Variants in SPTLC2 observed in about 807,000 individuals in gnomAD.
The protein encoded by SPTLC2 is serine palmitoyltransferase long chain base subunit 2, also known as serine palmitoyltransferase 2.
In SPTLC2, 21 loss-of-function variants were observed where a neutral mutation model predicts 62.0. The observed-to-expected ratio is 0.34, with a 90% CI of 0.24 to 0.49. The LOEUF (loss-of-function observed/expected upper bound fraction) is 0.49, where lower values mean the gene tolerates loss of function less well. Ranked by LOEUF, SPTLC2 falls within the 20% of genes least tolerant of loss-of-function variation. The pLI, the probability that SPTLC2 is intolerant of heterozygous loss-of-function variation, is 0.99. For synonymous variants in SPTLC2, 261 were observed against 261.8 expected (o/e 1.00, Z 0.03); for missense variants, 511 against 713.0 (o/e 0.72, Z 3.23).
At chr14:77,542,054 CTG>C (rs2079503434) in intron 9 of SPTLC2, among the ~76,000 whole-genome samples, 1 of 138,654 alleles carries the variant, frequency 7.2e-6, no homozygotes. Context: ...GAGACAGACT[CTG>C]TGTCCGGAAA....
intron 9 of SPTLC2, among the ~76,000 whole-genome samples, chr14:77,534,674 A>G (rs1403853069): frequency 6.6e-6 from 1 of 151,838 alleles, no homozygotes; most frequent in African/African-American, 2.4e-5. Context: ...TGATTTCACC[A>G]AAGGCAAAAA....
intron 1 of SPTLC2, among the ~76,000 whole-genome samples, chr14:77,599,189 T>C (rs2079864363): frequency 6.6e-6 from 1 of 152,232 alleles, no homozygotes. Context: ...TCTTGCTTTA[T>C]AGAAGATATC....
intron 9 of SPTLC2, 140 bp downstream of exon 9, chr14:77,551,956 A>C: frequency 7.8e-7 from 1 of 1,287,266 alleles, no homozygotes; most frequent in South Asian, 1.3e-5. Flanking sequence ...ACACTAAAAA[A>C]GTGTCCATGG....
intron 5 of SPTLC2, among the ~76,000 whole-genome samples, chr14:77,564,322 G>A (rs982020878): frequency 6.7e-6 from 1 of 149,200 alleles, no homozygotes; most frequent in Non-Finnish European, 1.5e-5. Flanking sequence ...AGAAGGAGAA[G>A]AAGGAGAATA....
chr14:77,518,759 G>A (rs191982522), intron 10 of SPTLC2, among the ~76,000 whole-genome samples: 83 of 152,254 alleles, frequency 5.5e-4, no homozygotes, highest in Admixed American at 3.1e-3. Context: ...GCTGTAACAC[G>A]GCACATCTTT....
At chr14:77,543,187 C>A (rs1389362543) in intron 9 of SPTLC2, among the ~76,000 whole-genome samples, 1 of 152,194 alleles carries the variant, frequency 6.6e-6, no homozygotes, top group Non-Finnish European at 1.5e-5. Context: ...GTAGCTGGGA[C>A]TACAGGCGTG....
At chr14:77,513,929 G>A (rs921849620) in intron 11 of SPTLC2, among the ~76,000 whole-genome samples, 1 of 144,354 alleles carries the variant, frequency 6.9e-6, no homozygotes, top group Non-Finnish European at 1.5e-5. Flanking sequence ...GGCTGAACAC[G>A]GTGGCTCAAG....
intron 4 of SPTLC2, among the ~76,000 whole-genome samples, chr14:77,575,831 C>T (rs1349375057): frequency 1.3e-5 from 2 of 151,256 alleles, no homozygotes; most frequent in South Asian, 2.1e-4. Flanking sequence ...CCGTGCCTGG[C>T]TTCAGTCAGG....
chr14:77,582,751 G>C (rs11623114), intron 2 of SPTLC2, among the ~76,000 whole-genome samples: 9,765 of 152,288 alleles, frequency 0.064, 416 homozygotes, highest in Non-Finnish European at 0.098. Context: ...GGGTAAAGGA[G>C]GAGAAGCTGT....
At chr14:77,569,268 C>T (rs1412589130) in intron 5 of SPTLC2, among the ~76,000 whole-genome samples, 1 of 151,944 alleles carries the variant, frequency 6.6e-6, no homozygotes, top group Non-Finnish European at 1.5e-5. Flanking sequence ...AAATAGGTTG[C>T]TATTTTACAT....
At chr14:77,532,875 A>G (rs1164405037) in intron 9 of SPTLC2, among the ~76,000 whole-genome samples, 1 of 152,196 alleles carries the variant, frequency 6.6e-6, no homozygotes, top group Non-Finnish European at 1.5e-5. Context: ...GGACACTACA[A>G]TTGAAATTAT....
intron 9 of SPTLC2, among the ~76,000 whole-genome samples, chr14:77,523,323 T>A (rs2079393696): frequency 6.6e-6 from 1 of 152,234 alleles, no homozygotes; most frequent in Non-Finnish European, 1.5e-5. Context: ...CAGACTGTGC[T>A]GCCTGAAGGC....
intron 1 of SPTLC2, among the ~76,000 whole-genome samples, chr14:77,614,521 G>A (rs556639501): frequency 6.6e-5 from 10 of 152,152 alleles, no homozygotes; most frequent in East Asian, 5.8e-4. Flanking sequence ...AAAATTAGCC[G>A]GGCGTGGTGG....
intron 3 of SPTLC2, among the ~76,000 whole-genome samples, chr14:77,577,187 T>C (rs1012831865): frequency 7.4e-6 from 1 of 134,406 alleles, no homozygotes; most frequent in Non-Finnish European, 1.7e-5. Flanking sequence ...TCAGGTTTGT[T>C]TTTTGGAGGG....
At chr14:77,563,548 C>A (rs2079626314) in intron 5 of SPTLC2, among the ~76,000 whole-genome samples, 1 of 152,200 alleles carries the variant, frequency 6.6e-6, no homozygotes, top group Admixed American at 6.5e-5. Context: ...GCCTCAGCGT[C>A]CCAGCTAGCT....
intron 9 of SPTLC2, among the ~76,000 whole-genome samples, chr14:77,546,116 G>A (rs1190460720): frequency 6.6e-6 from 1 of 152,204 alleles, no homozygotes; most frequent in Non-Finnish European, 1.5e-5. Flanking sequence ...TTAATAAAAT[G>A]CTAACTATCA....
intron 11 of SPTLC2, among the ~76,000 whole-genome samples, chr14:77,513,534 A>G (rs1249443928): frequency 6.6e-6 from 1 of 152,234 alleles, no homozygotes; most frequent in African/African-American, 2.4e-5. Context: ...TCTGAAATTA[A>G]GCTGGGAGAA....
chr14:77,564,687 A>T (rs180861527), intron 5 of SPTLC2, among the ~76,000 whole-genome samples: 5 of 152,176 alleles, frequency 3.3e-5, no homozygotes, highest in Admixed American at 2.0e-4. Flanking sequence ...GCCAGAAAGT[A>T]TAAGAATGCT....
intron 1 of SPTLC2, among the ~76,000 whole-genome samples, chr14:77,611,137 C>CAAAA (rs71128656): frequency 0.12 from 14,833 of 126,184 alleles, 894 homozygotes; most frequent in Admixed American, 0.17. Context: ...ACTAAAAATA[C>CAAAA]AAAAAAAAAA....
Sources: allele counts gnomAD v4.1 joint callset (sites outside exome capture counted in the v4.1 genomes callset), GRCh38; gene constraint gnomAD v4.1.1; transcripts MANE v1.5; gene names NCBI Gene and HGNC (gene_info 2026-07-23, HGNC 2026-07-21).